KLF7: variants seen among roughly 807,000 people sequenced by gnomAD.
KLF7 encodes the protein KLF transcription factor 7.
KLF7 carries 2 observed loss-of-function variants against 27.3 expected under a neutral mutation model. The observed-to-expected ratio is 0.07, with a 90% CI of 0.03 to 0.23. KLF7 has a LOEUF of 0.23. Among genes scored for constraint, KLF7 ranks in the 10% least tolerant of loss-of-function variants. The pLI, the probability that KLF7 is intolerant of heterozygous loss-of-function variation, is 1.00. For synonymous variants in KLF7, 165 were observed against 162.4 expected, an observed-to-expected ratio of 1.02 and a Z score of -0.12; for missense variants, 221 against 394.1, an observed-to-expected ratio of 0.56 and a Z score of 3.72.
rs2076171638 is a variant in KLF7, at chr2:207,076,079, G to T, written c.*5134C>A. On this transcript the variant is annotated 3_prime_UTR_variant, in exon 4 of 4. Transcript: ENST00000309446. Reference sequence around the variant, plus strand: ...CCCCAAAAGATATTAGGCACTGGTGGCTACTCCTCCGAAACGTCAGTAGCC... The same window carrying T: ...CCCCAAAAGATATTAGGCACTGGTGTCTACTCCTCCGAAACGTCAGTAGCC... 6.6e-6 allele frequency: 1 copy of T among 151,968 alleles called. No homozygotes were observed. Among genetic ancestry groups the T allele is most frequent in the Non-Finnish European group, 1.5e-5 (1 of 68,014 alleles). 9.4% of individuals were successfully genotyped at this position (151,968 alleles called of 1,614,324 possible). A position where few individuals can be genotyped will look rare whatever the true frequency, so the allele number is the denominator to read the frequency against.
At chr2:207,095,031 CTT>C (rs36091471) in intron 2 of KLF7, among the ~76,000 whole-genome samples, 3 of 82,430 alleles carry the variant, frequency 3.6e-5, no homozygotes, top group Admixed American at 3.6e-4. Context: ...TGTTTTTATT[CTT>C]TTTTTTTTTT....
intron 2 of KLF7, among the ~76,000 whole-genome samples, chr2:207,093,301 C>T (rs1475725902): frequency 2.0e-5 from 3 of 152,206 alleles, no homozygotes; most frequent in Non-Finnish European, 4.4e-5. Flanking sequence ...AAGTCAAAAG[C>T]CAGGCAAGGC....
chr2:207,106,160 A>G (rs944123623), intron 2 of KLF7, among the ~76,000 whole-genome samples: 13 of 152,234 alleles, frequency 8.5e-5, no homozygotes, highest in Non-Finnish European at 1.8e-4. Flanking sequence ...GTCTTAAGAG[A>G]TCATGTTCAA....
At chr2:207,159,213 G>A (rs577456029) in intron 1 of KLF7, among the ~76,000 whole-genome samples, 2 of 152,302 alleles carry the variant, frequency 1.3e-5, no homozygotes, top group South Asian at 4.1e-4. Context: ...GAATGGCACA[G>A]ACATGGGCAC....
chr2:207,128,532 C>T (rs998840276), intron 1 of KLF7, among the ~76,000 whole-genome samples: 2 of 151,998 alleles, frequency 1.3e-5, no homozygotes, highest in South Asian at 2.1e-4. Context: ...AAGTATCCAC[C>T]GAACAAAATA....
chr2:207,126,001 T>C (rs888885870), intron 1 of KLF7, among the ~76,000 whole-genome samples: 1 of 152,242 alleles, frequency 6.6e-6, no homozygotes, highest in African/African-American at 2.4e-5. Context: ...TAATGTAGTA[T>C]TAATCAAGGA....
chr2:207,159,821 G>A lies in KLF7; in HGVS notation c.102+5646C>T, dbSNP rs568782653. Among the ~76,000 whole-genome samples the A allele has an allele frequency of 1.9e-4, 29 of 152,230 alleles. No homozygotes were observed. In the South Asian group the frequency reaches 5.8e-3, roughly 31 times the overall value. On this transcript the variant is annotated intron_variant, in intron 1 of 3. Transcript: ENST00000309446. ...AGCATGTGGTACTGCTCGAATGGAG[G>A]GGGGATGGACATGAGTCGTTTAAAC...
At chr2:207,121,701 G>A (rs550453891) in intron 2 of KLF7, 2 of 152,192 alleles carry the variant, frequency 1.3e-5, no homozygotes, top group African/African-American at 4.8e-5. Flanking sequence ...AGTTGCAGGT[G>A]CCAGGTAACA....
chr2:207,102,695 GGCTT>G (rs912953496), intron 2 of KLF7, among the ~76,000 whole-genome samples: 1 of 152,100 alleles, frequency 6.6e-6, no homozygotes, highest in Non-Finnish European at 1.5e-5. Flanking sequence ...CTGCATTAAA[GGCTT>G]TTTAAAAAGA....
intron 1 of KLF7, among the ~76,000 whole-genome samples, chr2:207,156,156 G>C (rs1641636073): frequency 6.6e-6 from 1 of 152,188 alleles, no homozygotes. Flanking sequence ...ACAGTTTACA[G>C]ATGAAAGGAT....
chr2:207,081,209 T>A lies in KLF7; in HGVS notation c.*4A>T. 1.2e-6 allele frequency: 2 copies of A among 1,613,668 alleles called. No individual in the cohort carries two copies. The highest frequency in any genetic ancestry group is 1.7e-6 in the Non-Finnish European group (2 of 1,179,636). On this transcript the variant is annotated 3_prime_UTR_variant, in exon 4 of 4. Coordinates refer to ENST00000309446, the MANE Select transcript of KLF7 (RefSeq NM_003709.4). ...TGCCATGGCAACTCTGGCCTTTCGG[T>A]TTTTTAGATATGTCTCTTCATGTGG...
chr2:207,088,251 C>A (rs1361394990), intron 3 of KLF7, among the ~76,000 whole-genome samples: 1 of 152,194 alleles, frequency 6.6e-6, no homozygotes, highest in Non-Finnish European at 1.5e-5. Flanking sequence ...GCTTGTGTAA[C>A]TGAACCAAGA....
intron 2 of KLF7, among the ~76,000 whole-genome samples, chr2:207,090,955 C>T (rs35975236): frequency 0.075 from 11,344 of 152,118 alleles, 523 homozygotes; most frequent in Middle Eastern, 0.13. Flanking sequence ...TGAAGGCCTT[C>T]GAATGTAGTT....
At chr2:207,122,543 T>C (rs1189483504) in intron 2 of KLF7, among the ~76,000 whole-genome samples, 2 of 152,148 alleles carry the variant, frequency 1.3e-5, no homozygotes, top group Non-Finnish European at 2.9e-5. Context: ...AAGAGCCAGA[T>C]TGTTCAACAG....
At chr2:207,123,388 T>C (rs2077391488) in intron 2 of KLF7, among the ~76,000 whole-genome samples, 1 of 152,220 alleles carries the variant, frequency 6.6e-6, no homozygotes, top group Non-Finnish European at 1.5e-5. Flanking sequence ...TAACTGTGAA[T>C]GCTTTCAAAT....
At chr2:207,115,649 T>C (rs1344871506) in intron 2 of KLF7, among the ~76,000 whole-genome samples, 1 of 152,126 alleles carries the variant, frequency 6.6e-6, no homozygotes, top group Non-Finnish European at 1.5e-5. Context: ...TTTTAGAAAA[T>C]GTAGAAAATC....
intron 1 of KLF7, among the ~76,000 whole-genome samples, chr2:207,146,738 C>T (rs548147741): frequency 6.6e-6 from 1 of 152,050 alleles, no homozygotes; most frequent in Non-Finnish European, 1.5e-5. Context: ...GAAAAAAAAA[C>T]CAGAAAAACG....
intron 3 of KLF7, among the ~76,000 whole-genome samples, chr2:207,082,868 G>A (rs978072638): frequency 5.9e-5 from 9 of 152,080 alleles, no homozygotes; most frequent in South Asian, 2.1e-4. Context: ...TCCCTTGACC[G>A]CAACATTCTC....
chr2:207,094,152 G>C (rs778523887), intron 2 of KLF7, among the ~76,000 whole-genome samples: 2 of 152,196 alleles, frequency 1.3e-5, no homozygotes, highest in African/African-American at 2.4e-5. Flanking sequence ...CTTTAAGATA[G>C]AGAGTGTAGC....
Sources: gnomAD v4.1 joint callset for allele counts (sites outside exome capture counted in the v4.1 genomes callset) on GRCh38, gnomAD v4.1.1 for gene constraint, MANE v1.5 for transcripts, NCBI Gene and HGNC (gene_info 2026-07-23, HGNC 2026-07-21) for gene names.